The following GLRA2 variants were observed in gnomAD, a reference collection of about 807,000 sequenced individuals.
GLRA2 encodes the protein glycine receptor alpha 2, also known as glycine receptor subunit alpha-2.
GLRA2 carries 11 observed loss-of-function variants against 31.6 expected under a neutral mutation model. The ratio of observed to expected loss-of-function variants is 0.35; its 90% confidence interval spans 0.22 to 0.58. The LOEUF is 0.58. GLRA2 is among the 20% of genes least tolerant of loss of function. GLRA2 has a pLI of 0.84. For missense variants in GLRA2, 212 were observed against 351.8 expected (o/e 0.60, Z 3.18); for synonymous variants, 132 against 134.0 (o/e 0.99, Z 0.10).
intron 2 of GLRA2, among the ~76,000 whole-genome samples, chrX:14,548,826 G>A (rs946756257): frequency 9.0e-6 from 1 of 111,682 alleles, no homozygotes; most frequent in African/African-American, 3.3e-5. Flanking sequence ...AGTAATTTCA[G>A]GTTCACTTCA....
intron 7 of GLRA2, among the ~76,000 whole-genome samples, chrX:14,652,123 A>G (rs1387461217): frequency 8.9e-6 from 1 of 111,792 alleles, no homozygotes; most frequent in African/African-American, 3.3e-5. Flanking sequence ...CGAACTGTAA[A>G]AGAATGATTT....
chrX:14,491,795 A>G, the GLRA2 span, among the ~76,000 whole-genome samples: 1 of 111,601 alleles, frequency 9.0e-6, no homozygotes, highest in Non-Finnish European at 1.9e-5. Context: ...AATCCAGCCT[A>G]ATAAGTGAGG....
chrX:14,553,931 C>A (rs187896979), intron 2 of GLRA2, among the ~76,000 whole-genome samples: 1 of 111,901 alleles, frequency 8.9e-6, no homozygotes, highest in East Asian at 2.8e-4. Flanking sequence ...TCTTACTTCC[C>A]GACGTCTCAT....
chrX:14,661,434 T>C (rs2090989520), intron 7 of GLRA2, among the ~76,000 whole-genome samples: 1 of 111,700 alleles, frequency 9.0e-6, no homozygotes, highest in Admixed American at 9.5e-5. Flanking sequence ...CTAGACAAGC[T>C]GGATGATCAG....
intron 4 of GLRA2, among the ~76,000 whole-genome samples, chrX:14,594,170 C>T (rs1256077701): frequency 1.8e-5 from 2 of 111,508 alleles, no homozygotes; most frequent in South Asian, 3.7e-4. Context: ...ACAATTTTGC[C>T]CTCAGTTGTC....
intron 2 of GLRA2, among the ~76,000 whole-genome samples, chrX:14,534,517 A>AT (rs1006056081): frequency 3.6e-5 from 4 of 110,195 alleles, no homozygotes; most frequent in Non-Finnish European, 5.7e-5. Context: ...GACTACAATA[A>AT]TTTTTTCTTG....
chrX:14,471,357 C>G, the GLRA2 span, among the ~76,000 whole-genome samples: 1 of 111,721 alleles, frequency 9.0e-6, no homozygotes, highest in African/African-American at 3.3e-5. Context: ...GAGAGCACAA[C>G]AGAGGAGCTC....
Position 14,695,738 on chromosome X carries a change from G to A in GLRA2, c.1080+4879G>A, listed in dbSNP as rs760359187. On this transcript the variant is annotated intron_variant, in intron 8 of 8. Transcript: ENST00000218075. ...TATGTCCAATTATGATAGGATGTAGGAGCTCCTAACTAATAGCTCCTATCA... is the reference window on the plus strand; with the variant it reads ...TATGTCCAATTATGATAGGATGTAGAAGCTCCTAACTAATAGCTCCTATCA... 2.7e-5 allele frequency among the ~76,000 whole-genome samples: 3 copies of A among 111,986 alleles called. No individual in the cohort carries two copies. The Admixed American group carries it at 2.8e-4, about 11-fold the overall frequency.
chrX:14,574,309 C>G, intron 2 of GLRA2, 24 bp from the exon 3 acceptor site: 1 of 1,064,997 alleles, frequency 9.4e-7, no homozygotes, highest in Non-Finnish European at 1.3e-6. Flanking sequence ...ATGTCTATTG[C>G]AATATTCTCA....
At chrX:14,580,180 G>A (rs1183804924) in intron 3 of GLRA2, among the ~76,000 whole-genome samples, 3 of 111,910 alleles carry the variant, frequency 2.7e-5, no homozygotes, top group East Asian at 2.8e-4. Flanking sequence ...TTAGAGTAAC[G>A]TAAACAATGA....
At chrX:14,458,619 C>T in the GLRA2 span, among the ~76,000 whole-genome samples, 4 of 112,429 alleles carry the variant, frequency 3.6e-5, no homozygotes, top group African/African-American at 1.3e-4. Flanking sequence ...TCTCTGATGG[C>T]CAGTGATGAT....
intron 7 of GLRA2, among the ~76,000 whole-genome samples, chrX:14,672,878 T>G: frequency 9.0e-6 from 1 of 111,329 alleles, no homozygotes. Flanking sequence ...AGCTTTAGGT[T>G]AGAACACACT....
chrX:14,591,470 G>T (rs2090145185), intron 4 of GLRA2, among the ~76,000 whole-genome samples: 1 of 111,731 alleles, frequency 9.0e-6, no homozygotes, highest in Non-Finnish European at 1.9e-5. Context: ...ATGTTCGAAG[G>T]CAGGAAACAT....
At chrX:14,499,456 C>T in the GLRA2 span, among the ~76,000 whole-genome samples, 3 of 110,699 alleles carry the variant, frequency 2.7e-5, no homozygotes, top group East Asian at 2.9e-4. Context: ...TTGGAATCAA[C>T]CTAGGTATCC....
intron 2 of GLRA2, 36 bp from the exon 3 acceptor site, chrX:14,574,297 C>T (rs1346048608): frequency 1.1e-6 from 1 of 937,580 alleles, no homozygotes. Flanking sequence ...ATTTTTGCTT[C>T]AATGTCTATT....
chrX:14,621,131 C>T (rs765346128), intron 7 of GLRA2, among the ~76,000 whole-genome samples: 1 of 111,371 alleles, frequency 9.0e-6, no homozygotes, highest in Non-Finnish European at 1.9e-5. Context: ...TGTAAAGAGA[C>T]AGTGTTCAGT....
chrX:14,686,618 G>A (rs1220938266), intron 7 of GLRA2, among the ~76,000 whole-genome samples: 3 of 111,146 alleles, frequency 2.7e-5, no homozygotes. Context: ...TCTGTTTTAT[G>A]AGAGACTAGG....
the GLRA2 span, among the ~76,000 whole-genome samples, chrX:14,458,574 C>T: frequency 7.1e-4 from 79 of 112,045 alleles, 1 homozygote; most frequent in South Asian, 4.5e-3. Context: ...CTAACTGGTG[C>T]GAGATGGTAT....
At chrX:14,698,511 C>T (rs998291768) in intron 8 of GLRA2, among the ~76,000 whole-genome samples, 5 of 107,655 alleles carry the variant, frequency 4.6e-5, no homozygotes, top group African/African-American at 1.7e-4. Flanking sequence ...AACCCTGTCT[C>T]TACTAAAAAT....
Sources: allele counts gnomAD v4.1 joint callset (sites outside exome capture counted in the v4.1 genomes callset), GRCh38; gene constraint gnomAD v4.1.1; transcripts MANE v1.5; gene names NCBI Gene and HGNC (gene_info 2026-07-23, HGNC 2026-07-21).